Variants in GON4L observed in about 807,000 individuals in gnomAD.
GON4L encodes the protein gon-4 like.
Under a neutral mutation model 211.8 loss-of-function variants are expected in GON4L, and 87 were observed. The observed-to-expected ratio is 0.41, with a 90% CI of 0.35 to 0.49. The LOEUF (loss-of-function observed/expected upper bound fraction) is 0.49. GON4L is among the 20% of genes least tolerant of loss of function. The pLI, the probability that GON4L is intolerant of heterozygous loss-of-function variation, is 0.15. For missense variants in GON4L, 2,155 were observed against 2,659.5 expected (o/e 0.81, Z 4.17); for synonymous variants, 875 against 962.6 (o/e 0.91, Z 1.68).
intron 18 of GON4L, among the ~76,000 whole-genome samples, chr1:155,771,757 T>C (rs559755640): frequency 3.0e-4 from 46 of 152,142 alleles, no homozygotes; most frequent in Non-Finnish European, 4.9e-4. Context: ...GTATTACAGT[T>C]GTAAGCCCAC....
chr1:155,770,305 G>A (rs888669058), intron 19 of GON4L, among the ~76,000 whole-genome samples: 4 of 152,124 alleles, frequency 2.6e-5, no homozygotes, highest in South Asian at 2.1e-4. Context: ...TGAGGCAGGC[G>A]GACTGACACA....
downstream of GON4L, among the ~76,000 whole-genome samples, chr1:155,745,526 G>T (rs553964849): frequency 6.6e-6 from 1 of 152,222 alleles, no homozygotes; most frequent in Non-Finnish European, 1.5e-5. Context: ...GCCTTCCGCG[G>T]CCCGCGCCCT....
In GON4L at chr1:155,808,932, TA is replaced by T. The variant is rs77742314; in HGVS notation, c.1453-3792del. Among the ~76,000 whole-genome samples the T allele has an allele frequency of 1.8e-4, 27 of 152,098 alleles. No individual in the cohort carries two copies. The East Asian group carries it at 5.0e-3, about 28-fold the overall frequency. ...GGACCCTGTTTTTTAAAATTTTTTT[TA>T]AAAAAGTTCTCATACTATTACCCAT... On this transcript the variant is annotated intron_variant, in intron 10 of 31. Transcript: ENST00000368331.
At chr1:155,792,080 G>A (rs996429279) in intron 12 of GON4L, among the ~76,000 whole-genome samples, 7 of 152,080 alleles carry the variant, frequency 4.6e-5, no homozygotes, top group African/African-American at 1.7e-4. Context: ...AGGTGTTCAA[G>A]TTTACAATAC....
In GON4L at chr1:155,831,469, A is replaced by G. The variant is rs932173125; in HGVS notation, c.506-4441T>C. The G allele has an allele frequency of 3.4e-5, 5 of 148,834 alleles. No individual in the cohort carries two copies. In the East Asian group the frequency reaches 5.8e-4, roughly 17 times the overall value. The allele number at this position is 148,834 out of a possible 1,614,324, so 9.2% of individuals were successfully genotyped here. A position where few individuals can be genotyped will look rare whatever the true frequency, so the allele number is the denominator to read the frequency against. ...TGTCTCGTTAAAAATAAATAAATAA[A>G]TAAATAAATAAATAAATAAATAAAT... On this transcript the variant is annotated intron_variant, in intron 2 of 31. Coordinates refer to ENST00000368331, the MANE Select transcript of GON4L (RefSeq NM_001282860.2).
At chr1:155,787,801 A>G (rs1029388716) in intron 12 of GON4L, among the ~76,000 whole-genome samples, 2 of 151,600 alleles carry the variant, frequency 1.3e-5, no homozygotes, top group African/African-American at 4.8e-5. Flanking sequence ...TAAATTAGCC[A>G]GTCATGGTAG....
chr1:155,747,931 C>T, downstream of GON4L: 2 of 1,560,458 alleles, frequency 1.3e-6, no homozygotes, highest in East Asian at 2.2e-5. Context: ...CATTCGAATC[C>T]CATTGGGAGA....
chr1:155,776,835 G>A (rs1663869005), intron 15 of GON4L, among the ~76,000 whole-genome samples: 1 of 152,202 alleles, frequency 6.6e-6, no homozygotes, highest in African/African-American at 2.4e-5. Flanking sequence ...TTACAGGTGT[G>A]AGCCACCGTA....
downstream of GON4L, chr1:155,748,585 G>A: frequency 6.2e-7 from 1 of 1,613,384 alleles, no homozygotes; most frequent in Non-Finnish European, 8.5e-7. Context: ...CCTATAACGT[G>A]TTCTCTTCCT....
chr1:155,797,675 C>A (rs951414471), intron 11 of GON4L, among the ~76,000 whole-genome samples: 24 of 149,676 alleles, frequency 1.6e-4, no homozygotes, highest in Non-Finnish European at 3.6e-4. Flanking sequence ...GAGACCCCCC[C>A]CCTCCCGTCT....
At chr1:155,847,603 G>A (rs983348123) in intron 2 of GON4L, among the ~76,000 whole-genome samples, 11 of 152,166 alleles carry the variant, frequency 7.2e-5, no homozygotes, top group African/African-American at 2.4e-4. Flanking sequence ...TCAGGAAGCT[G>A]GGGCAGGAGA....
chr1:155,783,382 A>C (rs1664614053), intron 14 of GON4L, among the ~76,000 whole-genome samples: 1 of 152,316 alleles, frequency 6.6e-6, no homozygotes, highest in South Asian at 2.1e-4. Context: ...CCTGACATCT[A>C]GCCATCCATC....
chr1:155,774,393 C>G (rs1663550631), intron 17 of GON4L, among the ~76,000 whole-genome samples: 1 of 149,508 alleles, frequency 6.7e-6, no homozygotes. Flanking sequence ...ACTGCAAACT[C>G]TGCCTCCTGG....
chr1:155,766,849 G>A (rs1037295893), intron 20 of GON4L, 140 bp from the exon 21 acceptor site: 5 of 1,308,804 alleles, frequency 3.8e-6, no homozygotes, highest in South Asian at 2.4e-5. Flanking sequence ...AGTTCAGGAT[G>A]AGCCTGACCA....
At chr1:155,796,179 C>T (rs755027264) in intron 11 of GON4L, among the ~76,000 whole-genome samples, 6 of 151,658 alleles carry the variant, frequency 4.0e-5, no homozygotes, top group Non-Finnish European at 8.8e-5. Context: ...TATATCCTTA[C>T]AATAAGAATC....
intron 10 of GON4L, among the ~76,000 whole-genome samples, chr1:155,807,720 AAAAAAG>A (rs1667281304): frequency 1.3e-5 from 2 of 150,248 alleles, no homozygotes; most frequent in African/African-American, 2.4e-5. Context: ...AAAAAAAAAA[AAAAAAG>A]AAAATCAGAA....
chr1:155,825,070 G>C (rs559600699), intron 3 of GON4L, among the ~76,000 whole-genome samples: 1 of 151,896 alleles, frequency 6.6e-6, no homozygotes, highest in African/African-American at 2.4e-5. Context: ...AGGCTGAAGT[G>C]GGAAGATCAC....
chr1:155,752,903 G>A (rs146695841), intron 29 of GON4L, among the ~76,000 whole-genome samples: 2,104 of 152,186 alleles, frequency 0.014, 29 homozygotes, highest in Non-Finnish European at 0.022. Context: ...AGCTGAGAAC[G>A]GCCCAGTCTT....
chr1:155,797,677 C>CT (rs1013783320), intron 11 of GON4L, among the ~76,000 whole-genome samples: 3 of 144,926 alleles, frequency 2.1e-5, no homozygotes, highest in African/African-American at 5.2e-5. Context: ...GACCCCCCCC[C>CT]TCCCGTCTCT....
Sources: allele counts gnomAD v4.1 joint callset (sites outside exome capture counted in the v4.1 genomes callset), GRCh38; gene constraint gnomAD v4.1.1; transcripts MANE v1.5; gene names NCBI Gene and HGNC (gene_info 2026-07-23, HGNC 2026-07-21).